The following ZNF536 variants were observed in gnomAD, a reference collection of about 807,000 sequenced individuals.
ZNF536 encodes zinc finger protein 536.
ZNF536 carries 13 observed loss-of-function variants against 84.5 expected under a neutral mutation model. The observed-to-expected ratio is 0.15, with a 90% CI of 0.10 to 0.24. ZNF536 has a LOEUF of 0.24. Ranked by LOEUF, ZNF536 falls within the 10% of genes least tolerant of loss-of-function variation. The pLI is 1.00. For synonymous variants in ZNF536, 811 were observed against 742.5 expected (o/e 1.09, Z -1.50); for missense variants, 1,536 against 1,747.5 (o/e 0.88, Z 2.16).
chr19:30,474,240 G>A (rs1001305621), intron 2 of ZNF536, among the ~76,000 whole-genome samples: 1 of 152,170 alleles, frequency 6.6e-6, no homozygotes, highest in African/African-American at 2.4e-5. Flanking sequence ...GGGCCAGACT[G>A]TGGAAGGCCT....
Position 30,549,380 on chromosome 19 carries a change from G to A in ZNF536, c.3761G>A (p.Gly1254Glu), listed in dbSNP as rs1190722282. 1 of 1,599,496 alleles carries A rather than the reference G, an allele frequency of 6.3e-7. No homozygotes were observed. The highest frequency in any genetic ancestry group is 8.5e-7 in the Non-Finnish European group (1 of 1,172,426). ...GCGGGCCTGCCAAAGCCGGAGCGGG[G>A]GCCCCAGAGCCTGGACAAGCCGATG... Reference protein sequence around the residue: ...PLAGLPKPERGPQSLDKPMNM... With the variant: ...PLAGLPKPEREPQSLDKPMNM... Residue 1254 changes from glycine to glutamate, a missense_variant, in exon 4 of 5, where the codon GGG becomes GAG. Physicochemically the swap from Gly to Glu is moderately conservative, Grantham distance 98. This residue lies in a region of ZNF536 where 624 missense variants were observed against 603.1 expected (regional missense o/e 1.03). Transcript: ENST00000355537.
At chr19:30,594,295 G>T (rs2047372899) in intron 1 of ZNF536, among the ~76,000 whole-genome samples, 1 of 152,192 alleles carries the variant, frequency 6.6e-6, no homozygotes, top group African/African-American at 2.4e-5. Flanking sequence ...GCACCTCTGT[G>T]TACTTTCTGA....
At chr19:30,649,525 G>T (rs1391443801) in intron 1 of ZNF536, among the ~76,000 whole-genome samples, 1 of 147,082 alleles carries the variant, frequency 6.8e-6, no homozygotes, top group African/African-American at 2.5e-5. Flanking sequence ...TTCATCACTT[G>T]ATATTTATTA....
chr19:30,560,687 C>T (rs907936712), downstream of ZNF536, among the ~76,000 whole-genome samples: 7 of 152,220 alleles, frequency 4.6e-5, no homozygotes, highest in Non-Finnish European at 8.8e-5. Context: ...AGAGAGTCTT[C>T]AGATCCACTT....
At chr19:30,573,596 A>G (rs1271962602) in intron 1 of ZNF536, among the ~76,000 whole-genome samples, 2 of 152,224 alleles carry the variant, frequency 1.3e-5, no homozygotes, top group Non-Finnish European at 2.9e-5. Flanking sequence ...CTCCCCCAAG[A>G]TGAAGGTCTT....
In ZNF536 at chr19:30,469,688, G is replaced by A. The variant is rs992387691; in HGVS notation, c.2170+23956G>A. Among the ~76,000 whole-genome samples the A allele has an allele frequency of 3.3e-5, 5 of 152,094 alleles. No individual in the cohort carries two copies. In the East Asian group the frequency reaches 9.7e-4, roughly 29 times the overall value. ...TCCACACCTGGGTATTCCACACCTG[G>A]GCACCCTGCTCCTCTGGGGACGCTC... On this transcript the variant is annotated intron_variant, in intron 2 of 4. Transcript: ENST00000355537.
At chr19:30,463,492 G>A (rs2053248689) in intron 2 of ZNF536, among the ~76,000 whole-genome samples, 2 of 152,212 alleles carry the variant, frequency 1.3e-5, no homozygotes, top group Admixed American at 1.3e-4. Context: ...CTGTTCTGGA[G>A]CTCAGCCAGC....
At chr19:30,660,978 T>C (rs1007527874) in intron 1 of ZNF536, among the ~76,000 whole-genome samples, 2 of 152,236 alleles carry the variant, frequency 1.3e-5, no homozygotes, top group Admixed American at 6.5e-5. Context: ...ATTGACCAAA[T>C]ACAGGCCCCA....
chr19:30,330,404 C>T (rs911764514), intron 2 of ZNF536, among the ~76,000 whole-genome samples: 1 of 152,082 alleles, frequency 6.6e-6, no homozygotes, highest in African/African-American at 2.4e-5. Context: ...TTTACATCTG[C>T]CTTTGTTTGG....
intron 1 of ZNF536, among the ~76,000 whole-genome samples, chr19:30,608,522 T>C (rs1252837612): frequency 2.6e-5 from 4 of 152,144 alleles, no homozygotes; most frequent in Admixed American, 6.5e-5. Context: ...CTGAAGGTTT[T>C]ATGAGGTGCC....
Position 30,549,035 on chromosome 19 carries a change from C to A in ZNF536, c.3416C>A (p.Ala1139Asp), listed in dbSNP as rs2146233440. 1 of 1,614,154 alleles carries A rather than the reference C, an allele frequency of 6.2e-7. No individual in the cohort carries two copies. The highest frequency in any genetic ancestry group is 1.6e-4 in the Middle Eastern group (1 of 6,062). Reference protein sequence around the residue: ...SCPNKEPDGKAHSEEDVPILI... With the variant: ...SCPNKEPDGKDHSEEDVPILI... Reference sequence around the variant, plus strand: ...CCCAACAAGGAGCCTGATGGAAAGGCCCACTCTGAAGAGGATGTCCCCATC... The same window carrying A: ...CCCAACAAGGAGCCTGATGGAAAGGACCACTCTGAAGAGGATGTCCCCATC... The change falls in exon 4 of 5, where the codon GCC becomes GAC. Residue 1139 changes from alanine (A) to aspartate (D), a missense_variant. Transcript: ENST00000355537.
intron 2 of ZNF536, among the ~76,000 whole-genome samples, chr19:30,484,573 C>G (rs1267083393): frequency 6.6e-6 from 1 of 151,840 alleles, no homozygotes; most frequent in Admixed American, 6.6e-5. Flanking sequence ...TTCGCCCCAT[C>G]CTTGTTCTTT....
upstream of ZNF536, among the ~76,000 whole-genome samples, chr19:30,369,057 A>G (rs1046022863): frequency 6.6e-6 from 1 of 152,000 alleles, no homozygotes; most frequent in African/African-American, 2.4e-5. Flanking sequence ...TCTCCCTCCA[A>G]CTGTCCACGC....
At chr19:30,255,888 T>C (rs2024890932) in intron 1 of ZNF536, among the ~76,000 whole-genome samples, 2 of 152,256 alleles carry the variant, frequency 1.3e-5, no homozygotes, top group East Asian at 3.9e-4. Flanking sequence ...AGGAAGGAAA[T>C]GCTGAAGCCA....
At chr19:30,560,256 G>T (rs1568555042), downstream of ZNF536, among the ~76,000 whole-genome samples, 2 of 151,832 alleles carry the variant, frequency 1.3e-5, no homozygotes, top group Non-Finnish European at 2.9e-5. Context: ...CCCCAAGTGG[G>T]ATTATAACAA....
At chr19:30,662,387 C>T (rs191595301) in intron 1 of ZNF536, among the ~76,000 whole-genome samples, 6 of 152,236 alleles carry the variant, frequency 3.9e-5, no homozygotes, top group East Asian at 3.9e-4. Context: ...TTGCACATTC[C>T]GATCTCATTA....
chr19:30,281,143 G>A (rs2045428780), intron 1 of ZNF536, among the ~76,000 whole-genome samples: 1 of 152,034 alleles, frequency 6.6e-6, no homozygotes, highest in Admixed American at 6.5e-5. Context: ...CCCTCTCTCA[G>A]AACTTTCCAC....
intron 2 of ZNF536, among the ~76,000 whole-genome samples, chr19:30,319,346 C>G (rs1037938244): frequency 6.6e-6 from 1 of 151,870 alleles, no homozygotes; most frequent in Non-Finnish European, 1.5e-5. Context: ...ATAATTTAGT[C>G]GTAAAGGCTC....
At chr19:30,261,271 C>G (rs1400743366) in intron 1 of ZNF536, among the ~76,000 whole-genome samples, 4 of 118,716 alleles carry the variant, frequency 3.4e-5, no homozygotes, top group African/African-American at 6.5e-5. Context: ...GCACTCCAGC[C>G]TGGGCGACAG....
Sources: gnomAD v4.1 joint callset for allele counts (sites outside exome capture counted in the v4.1 genomes callset) on GRCh38, gnomAD v4.1.1 for gene constraint, gnomAD v4.1.1 regional missense constraint, MANE v1.5 for transcripts, NCBI Gene and HGNC (gene_info 2026-07-23, HGNC 2026-07-21) for gene names.